MTHFD1: variants seen among roughly 807,000 people sequenced by gnomAD.
MTHFD1 encodes the protein C-1-tetrahydrofolate synthase, cytoplasmic.
Under a neutral mutation model 110.3 loss-of-function variants are expected in MTHFD1, and 44 were observed. That is an observed-to-expected ratio of 0.40 (90% confidence interval 0.31 to 0.51). The LOEUF is 0.51. Among genes scored for constraint, MTHFD1 ranks in the 20% least tolerant of loss-of-function variants. The probability of loss-of-function intolerance (pLI) is 0.60; values close to 1 mark genes in which losing one functional copy is unlikely to be tolerated. For synonymous variants in MTHFD1, 402 were observed against 428.8 expected, an observed-to-expected ratio of 0.94 and a Z score of 0.77; for missense variants, 909 against 1,173.1, an observed-to-expected ratio of 0.77 and a Z score of 3.29.
At chr14:64,440,580 T>G in intron 18 of MTHFD1, 6 of 395,004 alleles carry the variant, frequency 1.5e-5, no homozygotes, top group South Asian at 1.3e-4. Context: ...ACCATTGCTT[T>G]ATCTTTGTTG....
chr14:64,453,967 C>T, intron 25 of MTHFD1, 106 bp downstream of exon 25: 1 of 737,546 alleles, frequency 1.4e-6, no homozygotes, highest in Non-Finnish European at 2.5e-6. Flanking sequence ...CTTCACTTCT[C>T]TGGGTGGCAG....
At position 64,400,855 on chromosome 14, in the gene MTHFD1, C is replaced by T. The variant is rs770520740; in HGVS notation, c.104C>T (p.Thr35Ile). 6.2e-7 allele frequency: 1 copy of T among 1,612,662 alleles called. No individual in the cohort carries two copies. The highest frequency in any genetic ancestry group is 1.1e-5 in the South Asian group (1 of 90,938). The change falls in exon 2 of 28, where the codon ACA (threonine) becomes ATA (isoleucine). Residue 35 changes from threonine (T) to isoleucine (I), a missense_variant. This residue lies in a region of MTHFD1 where 424 missense variants were observed against 510.4 expected (regional missense o/e 0.83). Transcript: ENST00000652337. Reference sequence around the variant, plus strand: ...TTGAAGGAGCAAGTACCTGGTTTCACACCACGCCTGGCAATATTACAGGTA... The same window carrying T: ...TTGAAGGAGCAAGTACCTGGTTTCATACCACGCCTGGCAATATTACAGGTA... ...TQLKEQVPGF[T>I]PRLAILQVGN... is the part of the protein sequence containing the mutation.
At position 64,411,160 on chromosome 14, in the gene MTHFD1, A is replaced by G. The variant is rs766656603; in HGVS notation, c.186+11A>G. On this transcript the variant is annotated intron_variant, in intron 3 of 27. Coordinates refer to ENST00000652337, the MANE Select transcript of MTHFD1 (RefSeq NM_005956.4). ...AAGGCTGCTGAAGAGGTAACGCCAGAAGAGCTGTGCCATCACCCTCCCCAA... is the reference window on the plus strand; with the variant it reads ...AAGGCTGCTGAAGAGGTAACGCCAGGAGAGCTGTGCCATCACCCTCCCCAA... 3 of 1,609,824 alleles carry G rather than the reference A, an allele frequency of 1.9e-6. No homozygotes were observed. In the Admixed American group the frequency reaches 5.0e-5, roughly 27 times the overall value.
chr14:64,405,565 G>A (rs911366975), intron 2 of MTHFD1, among the ~76,000 whole-genome samples: 10 of 152,266 alleles, frequency 6.6e-5, no homozygotes, highest in South Asian at 4.1e-4. Context: ...GCCTGAGGCC[G>A]TCTCCTTAGG....
At position 64,412,490 on chromosome 14, in the gene MTHFD1, C is replaced by G; in HGVS notation, c.205C>G (p.His69Asp). 3.1e-6 allele frequency: 5 copies of G among 1,613,664 alleles called. No homozygotes were observed. Among genetic ancestry groups the G allele is most frequent in the Non-Finnish European group, 4.2e-6 (5 of 1,179,580 alleles). The change falls in exon 4 of 28, where the codon CAC becomes GAC. Residue 69 changes from histidine to aspartate, a missense_variant. Physicochemically the swap from His to Asp is moderately conservative, Grantham distance 81. Transcript: ENST00000652337. Reference sequence around the variant, plus strand: ...TTTGCAGATTGGGATCAAAGCCACTCACATTAAGTTACCAAGAACAACCAC... The same window carrying G: ...TTTGCAGATTGGGATCAAAGCCACTGACATTAAGTTACCAAGAACAACCAC... ...AAEEIGIKATHIKLPRTTTES... is the reference protein window; with the variant it reads ...AAEEIGIKATDIKLPRTTTES...
At chr14:64,453,908 C>A in intron 25 of MTHFD1, 47 bp downstream of exon 25, 1 of 1,207,650 alleles carries the variant, frequency 8.3e-7, no homozygotes, top group Non-Finnish European at 1.2e-6. Context: ...CAAAGCAGGA[C>A]TTGGAGTCAC....
intron 2 of MTHFD1, among the ~76,000 whole-genome samples, chr14:64,403,361 G>A (rs1316302084): frequency 1.3e-5 from 2 of 150,810 alleles, no homozygotes; most frequent in Admixed American, 6.6e-5. Flanking sequence ...TGCAACCTTT[G>A]CCTCCTGGGT....
rs533722463 is a variant in MTHFD1, at chr14:64,451,757, G to T, written c.2458-1997G>T. On this transcript the variant is annotated intron_variant, in intron 24 of 27. Transcript: ENST00000652337. ...AGGCTGCCACTTTTTGTCTTACTCAGCGTCTGCTAGTCTTAAATCACCCTT... is the reference window on the plus strand; with the variant it reads ...AGGCTGCCACTTTTTGTCTTACTCATCGTCTGCTAGTCTTAAATCACCCTT... Among the ~76,000 whole-genome samples the T allele has an allele frequency of 2.6e-5, 4 of 152,308 alleles. No homozygotes were observed. The South Asian group carries it at 8.3e-4, about 32-fold the overall frequency.
intron 15 of MTHFD1, among the ~76,000 whole-genome samples, chr14:64,432,109 C>T (rs973096042): frequency 6.6e-5 from 10 of 152,110 alleles, no homozygotes; most frequent in African/African-American, 2.4e-4. Flanking sequence ...AAGAAAGAAA[C>T]GACACTTCCT....
intron 7 of MTHFD1, among the ~76,000 whole-genome samples, chr14:64,418,851 C>T (rs1230336862): frequency 1.3e-5 from 2 of 152,108 alleles, no homozygotes; most frequent in Admixed American, 6.5e-5. Flanking sequence ...CCACCATGCC[C>T]GACCTTTGTC....
At chr14:64,456,172 G>A (rs1272518636) in intron 26 of MTHFD1, among the ~76,000 whole-genome samples, 1 of 152,120 alleles carries the variant, frequency 6.6e-6, no homozygotes, top group Non-Finnish European at 1.5e-5. Context: ...AGGCCAGTGA[G>A]AGTCAGGCTG....
intron 15 of MTHFD1, 75 bp from the exon 16 acceptor site, chr14:64,435,494 G>A: frequency 1.1e-6 from 1 of 914,324 alleles, no homozygotes. Context: ...TAGAGGTAGG[G>A]GTCAAAATTT....
In MTHFD1 at chr14:64,427,189, G is replaced by A. The variant is rs556020251; in HGVS notation, c.1128-148G>A. The A allele has an allele frequency of 4.6e-6, 4 of 867,644 alleles. No individual in the cohort carries two copies. The South Asian group carries it at 5.9e-5, about 13-fold the overall frequency. 53.7% of individuals were successfully genotyped at this position (867,644 alleles called of 1,614,324 possible). A position where few individuals can be genotyped will look rare whatever the true frequency, so the allele number is the denominator to read the frequency against. On this transcript the variant is annotated intron_variant, in intron 11 of 27. Coordinates refer to ENST00000652337, the MANE Select transcript of MTHFD1 (RefSeq NM_005956.4). The stretch of plus-strand genomic sequence containing the variant: ...TCTTGCCTCAGCCTCCTATATAGCT[G>A]GGACTACAGGCATACACTGCTATGC...
At chr14:64,411,182 C>T (rs901159754) in intron 3 of MTHFD1, 33 bp downstream of exon 3, 14 of 1,559,628 alleles carry the variant, frequency 9.0e-6, no homozygotes, top group African/African-American at 6.8e-5. Flanking sequence ...ATCACCCTCC[C>T]CAACCTCCAC....
intron 8 of MTHFD1, among the ~76,000 whole-genome samples, chr14:64,421,143 T>C (rs978708770): frequency 6.6e-6 from 1 of 152,140 alleles, no homozygotes; most frequent in African/African-American, 2.4e-5. Flanking sequence ...TTTCCCCTTA[T>C]CAAGGGATGA....
intron 22 of MTHFD1, among the ~76,000 whole-genome samples, chr14:64,446,837 C>G (rs1053558043): frequency 6.6e-6 from 1 of 152,072 alleles, no homozygotes; most frequent in African/African-American, 2.4e-5. Flanking sequence ...CCACCACGCC[C>G]AGCCGGTTTT....
At chr14:64,456,589 G>A (rs566239416) in intron 26 of MTHFD1, among the ~76,000 whole-genome samples, 1 of 152,266 alleles carries the variant, frequency 6.6e-6, no homozygotes, top group South Asian at 2.1e-4. Context: ...ACATGCACAT[G>A]CCCGTCTACA....
At chr14:64,388,630 A>T in intron 1 of MTHFD1, 162 bp downstream of exon 1, 2 of 732,564 alleles carry the variant, frequency 2.7e-6, no homozygotes, top group South Asian at 3.0e-5. Context: ...CCCGGGCACA[A>T]CCTGCGTTTG....
At chr14:64,388,623 G>C (rs2077782091) in intron 1 of MTHFD1, 155 bp downstream of exon 1, 1 of 745,986 alleles carries the variant, frequency 1.3e-6, no homozygotes, top group African/African-American at 1.7e-5. Context: ...AAGAGAACCC[G>C]GGCACAACCT....
Sources: allele counts gnomAD v4.1 joint callset (sites outside exome capture counted in the v4.1 genomes callset), GRCh38; gene constraint gnomAD v4.1.1; regional missense constraint gnomAD v4.1.1; transcripts MANE v1.5; gene names NCBI Gene and HGNC (gene_info 2026-07-23, HGNC 2026-07-21).